PAK1: variants seen among roughly 807,000 people sequenced by gnomAD.
PAK1 encodes the protein p21 (RAC1) activated kinase 1, also known as serine/threonine-protein kinase PAK 1.
PAK1 carries 29 observed loss-of-function variants against 67.4 expected under a neutral mutation model. The ratio of observed to expected loss-of-function variants is 0.43; its 90% CI spans 0.32 to 0.59. The LOEUF (loss-of-function observed/expected upper bound fraction) is 0.59. PAK1 is among the 20% of genes least tolerant of loss of function. PAK1 has a pLI of 0.07. For synonymous variants in PAK1, 223 were observed against 237.4 expected, an observed-to-expected ratio of 0.94 and a Z score of 0.56; for missense variants, 337 against 670.7, an observed-to-expected ratio of 0.50 and a Z score of 5.50.
chr11:77,490,797 G>T, the PAK1 span, among the ~76,000 whole-genome samples: 11 of 152,266 alleles, frequency 7.2e-5, no homozygotes, highest in South Asian at 4.1e-4. Flanking sequence ...AAAATTCTTC[G>T]GCCTTGGGAT....
chr11:77,352,183 C>T (rs1402721456), intron 8 of PAK1, among the ~76,000 whole-genome samples: 1 of 152,068 alleles, frequency 6.6e-6, no homozygotes, highest in Non-Finnish European at 1.5e-5. Flanking sequence ...CAGTCATTAC[C>T]CCCGAAGATT....
At chr11:77,367,946 T>A (rs1733234747) in intron 5 of PAK1, among the ~76,000 whole-genome samples, 2 of 152,162 alleles carry the variant, frequency 1.3e-5, no homozygotes, top group Non-Finnish European at 1.5e-5. Context: ...GCCGCTGCAC[T>A]CCAGCCTGGT....
At chr11:77,428,360 G>A (rs945923354) in intron 1 of PAK1, among the ~76,000 whole-genome samples, 2 of 151,972 alleles carry the variant, frequency 1.3e-5, no homozygotes, top group African/African-American at 2.4e-5. Context: ...TCGGGAGATC[G>A]AGACCATCCT....
intron 2 of PAK1, among the ~76,000 whole-genome samples, chr11:77,384,785 C>T (rs1224738118): frequency 1.3e-5 from 2 of 152,072 alleles, no homozygotes; most frequent in African/African-American, 4.8e-5. Context: ...AGGTTTCTTT[C>T]TGGAGTGATG....
chr11:77,527,393 G>A, the PAK1 span, among the ~76,000 whole-genome samples: 1 of 152,112 alleles, frequency 6.6e-6, no homozygotes, highest in Non-Finnish European at 1.5e-5. Context: ...CTGTGCCACC[G>A]TACTGGGCCT....
At chr11:77,405,674 GAC>G (rs1555167119) in intron 1 of PAK1, among the ~76,000 whole-genome samples, 38,856 of 125,250 alleles carry the variant, frequency 0.31, 5,323 homozygotes, top group South Asian at 0.43. Context: ...CAGACAGACA[GAC>G]ACACACACAC....
chr11:77,367,831 T>C (rs1288687222), intron 5 of PAK1, among the ~76,000 whole-genome samples: 2 of 152,012 alleles, frequency 1.3e-5, no homozygotes, highest in Non-Finnish European at 2.9e-5. Flanking sequence ...CAAAAAAAAA[T>C]TAGCCTGGCA....
chr11:77,497,318 TA>T, the PAK1 span, among the ~76,000 whole-genome samples: 6 of 152,342 alleles, frequency 3.9e-5, no homozygotes, highest in Admixed American at 3.3e-4. Context: ...TCTGAAATAA[TA>T]ATTTTTACAT....
At chr11:77,478,210 A>G (rs77271393), upstream of PAK1, among the ~76,000 whole-genome samples, 1 of 148,694 alleles carries the variant, frequency 6.7e-6, no homozygotes, top group South Asian at 2.1e-4. Flanking sequence ...CCAAGAAGTT[A>G]TTTTTTTTTT....
chr11:77,469,607 C>T (rs1179285695), intron 1 of PAK1, among the ~76,000 whole-genome samples: 1 of 151,212 alleles, frequency 6.6e-6, no homozygotes, highest in Non-Finnish European at 1.5e-5. Flanking sequence ...AAGAAGGTCT[C>T]CTAACTTTTC....
intron 1 of PAK1, among the ~76,000 whole-genome samples, chr11:77,401,948 C>A (rs1170042684): frequency 6.6e-6 from 1 of 152,152 alleles, no homozygotes; most frequent in Non-Finnish European, 1.5e-5. Context: ...CTGGTACACA[C>A]CTGGTAATTA....
chr11:77,379,031 T>A (rs1354294911), intron 4 of PAK1, among the ~76,000 whole-genome samples: 1 of 152,116 alleles, frequency 6.6e-6, no homozygotes, highest in Non-Finnish European at 1.5e-5. Context: ...ATGCTATTTT[T>A]AAAAAAACGT....
chr11:77,434,275 A>G (rs1956005342), intron 1 of PAK1, among the ~76,000 whole-genome samples: 1 of 152,238 alleles, frequency 6.6e-6, no homozygotes, highest in Non-Finnish European at 1.5e-5. Context: ...AAAATGTGGC[A>G]TATCCATACA....
At chr11:77,398,271 T>C (rs1592246258) in intron 1 of PAK1, among the ~76,000 whole-genome samples, 1 of 152,222 alleles carries the variant, frequency 6.6e-6, no homozygotes, top group Non-Finnish European at 1.5e-5. Flanking sequence ...CACTACCCTT[T>C]CCAGCCACTG....
intron 2 of PAK1, among the ~76,000 whole-genome samples, chr11:77,384,705 C>T (rs1406668476): frequency 1.3e-5 from 2 of 152,058 alleles, no homozygotes; most frequent in Non-Finnish European, 2.9e-5. Flanking sequence ...TAGGCAAATC[C>T]ATAGACACAG....
the PAK1 span, among the ~76,000 whole-genome samples, chr11:77,486,002 C>T: frequency 2.0e-5 from 3 of 152,222 alleles, no homozygotes; most frequent in South Asian, 4.1e-4. Context: ...TAGCTTACAG[C>T]TCACTCCTCC....
the PAK1 span, among the ~76,000 whole-genome samples, chr11:77,488,833 A>C: frequency 6.6e-6 from 1 of 152,192 alleles, no homozygotes; most frequent in East Asian, 1.9e-4. Context: ...CCTAAGACTT[A>C]TTGGCCATAA....
At chr11:77,327,370 AG>A (rs1358502059) in intron 14 of PAK1, among the ~76,000 whole-genome samples, 1 of 152,250 alleles carries the variant, frequency 6.6e-6, no homozygotes, top group Non-Finnish European at 1.5e-5. Flanking sequence ...AAAAATGTTA[AG>A]GGCAGCCAGA....
upstream of PAK1, chr11:77,474,988 G>A (rs1053188998): frequency 5.9e-5 from 9 of 152,116 alleles, no homozygotes; most frequent in Non-Finnish European, 1.2e-4. Flanking sequence ...TTAGTGATAG[G>A]ACCTTGACAT....
Sources: allele counts gnomAD v4.1 joint callset (sites outside exome capture counted in the v4.1 genomes callset), GRCh38; gene constraint gnomAD v4.1.1; transcripts MANE v1.5; gene names NCBI Gene and HGNC (gene_info 2026-07-23, HGNC 2026-07-21).